DCST2: variants seen among roughly 807,000 people sequenced by gnomAD.
The protein encoded by DCST2 is DC-STAMP domain containing 2.
In DCST2, 64 loss-of-function variants were observed where a neutral mutation model predicts 81.8. The observed-to-expected ratio is 0.78, with a 90% CI of 0.64 to 0.96. The LOEUF is 0.96. DCST2 is among the 40% of genes least tolerant of loss of function. The pLI is 0.00. For synonymous variants in DCST2, 354 were observed against 402.6 expected (o/e 0.88, Z 1.44); for missense variants, 945 against 1,001.4 (o/e 0.94, Z 0.76).
Position 155,031,758 on chromosome 1 carries a change from C to T in DCST2, c.555G>A (p.Arg185=). 1.9e-6 allele frequency: 3 copies of T among 1,613,946 alleles called. No individual in the cohort carries two copies. Among genetic ancestry groups the T allele is most frequent in the Non-Finnish European group, 2.5e-6 (3 of 1,180,018 alleles). ...TGTGCAGGAGCCACTGCCACACATT[C>T]CGGAGAGCCCTGGCTGGGGACAGCT... ...DGVKHIARAL[R]NVWQWLLHIG... The change falls in exon 4 of 15, where the codon CGG becomes CGA. Residue 185 remains arginine (R), a synonymous_variant. Transcript: ENST00000368424.
At chr1:155,019,378 C>T (rs569210269) in intron 14 of DCST2, among the ~76,000 whole-genome samples, 1 of 152,224 alleles carries the variant, frequency 6.6e-6, no homozygotes, top group East Asian at 1.9e-4. Flanking sequence ...GGTCCTGCAA[C>T]CTCGTCGCTA....
At chr1:155,031,515 T>TTGGCCCCCC in intron 4 of DCST2, 59 bp downstream of exon 4, 1 of 643,126 alleles carries the variant, frequency 1.6e-6, no homozygotes, top group Non-Finnish European at 2.9e-6. Flanking sequence ...ACCCCCACAT[T>TTGGCCCCCC]CCCACCCCAC....
chr1:155,029,417 T>G lies in DCST2; in HGVS notation c.1178-20A>C. 1.2e-6 allele frequency: 2 copies of G among 1,610,792 alleles called. No homozygotes were observed. The highest frequency in any genetic ancestry group is 1.7e-6 in the Non-Finnish European group (2 of 1,178,178). On this transcript the variant is annotated intron_variant, in intron 7 of 14. Coordinates refer to ENST00000368424, the MANE Select transcript of DCST2 (RefSeq NM_144622.3). Reference sequence around the variant, plus strand: ...TGGAGCCTGAGCAGGAGTGGGATGGTCAGGAGGATGCTCCCCAGTTCTCCC... The same window carrying G: ...TGGAGCCTGAGCAGGAGTGGGATGGGCAGGAGGATGCTCCCCAGTTCTCCC...
chr1:155,026,576 C>A lies in DCST2; in HGVS notation c.1482G>T (p.Glu494Asp). ...TGACTATGTAGCCAGTGCTGTCAGG[C>A]TCCGAGGGACGAAGGAGACAACGCC... ...LSRRCLLRPSEPDSTGYIVIG... is the reference protein window; with the variant it reads ...LSRRCLLRPSDPDSTGYIVIG... The change falls in exon 9 of 15, where the codon GAG becomes GAT. Residue 494 changes from glutamate (E) to aspartate (D), a missense_variant. By Grantham distance (45) the Glu-to-Asp change is conservative (BLOSUM62 2). Transcript: ENST00000368424. 6 of 1,614,212 alleles carry A rather than the reference C, an allele frequency of 3.7e-6. No individual in the cohort carries two copies. The South Asian group carries it at 6.6e-5, about 18-fold the overall frequency.
At chr1:155,025,485 C>T (rs916712124) in intron 10 of DCST2, among the ~76,000 whole-genome samples, 4 of 151,330 alleles carry the variant, frequency 2.6e-5, no homozygotes, top group African/African-American at 7.3e-5. Context: ...CGTGCCACCA[C>T]GCCCGGCTAA....
At chr1:155,025,801 C>T (rs998957041) in intron 10 of DCST2, among the ~76,000 whole-genome samples, 10 of 151,008 alleles carry the variant, frequency 6.6e-5, no homozygotes, top group African/African-American at 2.4e-4. Flanking sequence ...TCGGCTCAAG[C>T]GATCCTCCCT....
rs750762244 is a variant in DCST2, at chr1:155,033,273, G to T, written c.269-9C>A. On this transcript the variant is annotated splice_polypyrimidine_tract_variant and intron_variant, in intron 1 of 14. Coordinates refer to ENST00000368424, the MANE Select transcript of DCST2 (RefSeq NM_144622.3). ...TAGTGTCCGGCCCTGCCCTGGGGGC[G>T]ACAGCTTTGTTAGAACCAAGACCCC... The T allele has an allele frequency of 6.2e-7, 1 of 1,604,810 alleles. No individual in the cohort carries two copies. Among genetic ancestry groups the T allele is most frequent in the Non-Finnish European group, 8.5e-7 (1 of 1,176,344 alleles).
chr1:155,030,003 G>C, intron 7 of DCST2, 81 bp downstream of exon 7: 1 of 1,577,702 alleles, frequency 6.3e-7, no homozygotes, highest in East Asian at 2.3e-5. Flanking sequence ...TGCCTGTGCA[G>C]GGGCTTAGGG....
chr1:155,024,082 T>C, intron 11 of DCST2, 123 bp from the exon 12 acceptor site: 1 of 1,375,258 alleles, frequency 7.3e-7, no homozygotes, highest in Non-Finnish European at 9.8e-7. Flanking sequence ...CCTCCATCCC[T>C]CTGATTTCAG....
chr1:155,023,044 AG>A, intron 14 of DCST2, 72 bp downstream of exon 14: 8 of 1,549,388 alleles, frequency 5.2e-6, no homozygotes, highest in Non-Finnish European at 6.9e-6. Flanking sequence ...ACACCCAGGA[AG>A]GCCTTTGCAA....
Position 155,030,411 on chromosome 1 carries a change from C to T in DCST2, c.1019+21G>A, listed in dbSNP as rs745374187. On this transcript the variant is annotated intron_variant, in intron 6 of 14. Transcript: ENST00000368424. Reference sequence around the variant, plus strand: ...TGCACCCCCGGCCCTGCATCCCCCACGCTGCCCGGCAGCCCCTCACTGGAG... The same window carrying T: ...TGCACCCCCGGCCCTGCATCCCCCATGCTGCCCGGCAGCCCCTCACTGGAG... 24 of 1,610,586 alleles carry T rather than the reference C, an allele frequency of 1.5e-5. No individual in the cohort carries two copies. In the Admixed American group the frequency reaches 2.5e-4, roughly 17 times the overall value.
rs532487232 is a variant in DCST2, at chr1:155,027,285, G to A, written c.1343-570C>T. Reference sequence around the variant, plus strand: ...TCAAACTCCTGAGCTCAAGCAATCCGCCTGCCTTAGCCTCCCAAAGTGCTA... The same window carrying A: ...TCAAACTCCTGAGCTCAAGCAATCCACCTGCCTTAGCCTCCCAAAGTGCTA... On this transcript the variant is annotated intron_variant, in intron 8 of 14. Coordinates refer to ENST00000368424, the MANE Select transcript of DCST2 (RefSeq NM_144622.3). 7.5e-5 allele frequency among the ~76,000 whole-genome samples: 10 copies of A among 134,190 alleles called. No individual in the cohort carries two copies. In the South Asian group the frequency reaches 1.3e-3, roughly 17 times the overall value. 88.0% of individuals were successfully genotyped at this position (134,190 alleles called of 152,430 possible).
At chr1:155,023,018 C>T in intron 14 of DCST2, 99 bp downstream of exon 14, 1 of 1,511,210 alleles carries the variant, frequency 6.6e-7, no homozygotes, top group Non-Finnish European at 8.8e-7. Flanking sequence ...TGTTTCAAGC[C>T]CTGGCAAAGG....
chr1:155,027,554 CTTTTTTTTTTTTT>C (rs779621299), intron 8 of DCST2, among the ~76,000 whole-genome samples: 2 of 64,020 alleles, frequency 3.1e-5, no homozygotes, highest in Non-Finnish European at 5.7e-5. Context: ...TTTTTTACTT[CTTTTTTTTTTTTT>C]TTTTTTTTTT....
rs770679392 is a variant in DCST2 at position 155,018,721 on chromosome 1, G to A, written c.2145C>T (p.His715=). 11 of 1,613,636 alleles carry A rather than the reference G, an allele frequency of 6.8e-6. No individual in the cohort carries two copies. The Admixed American group carries it at 8.3e-5, about 12-fold the overall frequency. ...DEEKGPQQRK[H]GQQPLPEAHQ... is the part of the protein sequence containing the mutation. ...GGGCTTCAGGTAAGGGCTGCTGCCC[G>A]TGCTTCCTCTGCTGAGGCCCCTTCT... Residue 715 remains histidine, a synonymous_variant, in exon 15 of 15, where the codon CAC becomes CAT. Transcript: ENST00000368424.
intron 14 of DCST2, among the ~76,000 whole-genome samples, chr1:155,021,020 G>A (rs1255266384): frequency 6.6e-6 from 1 of 151,180 alleles, no homozygotes; most frequent in Non-Finnish European, 1.5e-5. Flanking sequence ...TATTTATTGA[G>A]ACCAATCCTC....
At chr1:155,025,161 A>G (rs558078322) in intron 10 of DCST2, among the ~76,000 whole-genome samples, 72 of 151,914 alleles carry the variant, frequency 4.7e-4, no homozygotes, top group South Asian at 6.2e-4. Flanking sequence ...AAAAAAAAAA[A>G]AAAAGAAAAG....
chr1:155,031,898 T>C (rs1268950160), intron 3 of DCST2, 127 bp from the exon 4 acceptor site: 11 of 990,552 alleles, frequency 1.1e-5, no homozygotes, highest in Non-Finnish European at 1.6e-5. Flanking sequence ...CTGTGCTGTG[T>C]CCAGTGAACA....
chr1:155,032,654 C>T lies in DCST2; in HGVS notation c.541+13G>A. On this transcript the variant is annotated intron_variant, in intron 3 of 14. Coordinates refer to ENST00000368424, the MANE Select transcript of DCST2 (RefSeq NM_144622.3). ...ATTTTGAGTCCCCGGGATAGACATG[C>T]TAATGTGCTTACCTATGTGTTTCAC... The T allele has an allele frequency of 6.2e-7, 1 of 1,612,534 alleles. No individual in the cohort carries two copies. The highest frequency in any genetic ancestry group is 8.5e-7 in the Non-Finnish European group (1 of 1,178,874).
Sources: gnomAD v4.1 joint callset for allele counts (sites outside exome capture counted in the v4.1 genomes callset) on GRCh38, gnomAD v4.1.1 for gene constraint, MANE v1.5 for transcripts, NCBI Gene and HGNC (gene_info 2026-07-23, HGNC 2026-07-21) for gene names.